Variants in LDB2 observed in about 807,000 individuals in gnomAD.
The protein encoded by LDB2 is LIM domain-binding protein 2.
Under a neutral mutation model 44.3 loss-of-function variants are expected in LDB2, and 12 were observed. That is an observed-to-expected ratio of 0.27 (90% confidence interval 0.17 to 0.44). The LOEUF (loss-of-function observed/expected upper bound fraction) is 0.44, where lower values mean the gene tolerates loss of function less well. LDB2 is among the 20% of genes least tolerant of loss of function. LDB2 has a pLI of 1.00. For synonymous variants in LDB2, 164 were observed against 174.8 expected (o/e 0.94, Z 0.49); for missense variants, 344 against 473.5 (o/e 0.73, Z 2.54).
At chr4:16,731,847 C>G (rs17429735) in intron 2 of LDB2, among the ~76,000 whole-genome samples, 2,800 of 152,170 alleles carry the variant, frequency 0.018, 34 homozygotes, top group Non-Finnish European at 0.027. Flanking sequence ...TCATCTAGGT[C>G]TATGTGCTTC....
rs536404686 is a variant in LDB2, at chr4:16,857,624, T to C, written c.132+40730A>G. Among the ~76,000 whole-genome samples, 13 of 152,254 alleles carry C rather than the reference T, an allele frequency of 8.5e-5. No homozygotes were observed. The East Asian group carries it at 2.1e-3, about 25-fold the overall frequency. ...CGAGCACAAAGAGGTCTTTGCCATTTCCCATGACACGCTGAGACCCTCCTG... is the reference window on the plus strand; with the variant it reads ...CGAGCACAAAGAGGTCTTTGCCATTCCCCATGACACGCTGAGACCCTCCTG... On this transcript the variant is annotated intron_variant, in intron 1 of 7. Transcript: ENST00000304523.
intron 5 of LDB2, among the ~76,000 whole-genome samples, chr4:16,557,796 G>C (rs987765842): frequency 2.0e-5 from 3 of 152,172 alleles, no homozygotes; most frequent in African/African-American, 7.2e-5. Context: ...CCCCTGAGCA[G>C]CCTAACTGGG....
At position 16,830,335 on chromosome 4, in the gene LDB2, C is replaced by T. The variant is rs145872913; in HGVS notation, c.132+68019G>A. On this transcript the variant is annotated intron_variant, in intron 1 of 7. Transcript: ENST00000304523. Reference sequence around the variant, plus strand: ...ATGGTTTTTGTAAAGGGCTCTTCCCCCTTCACTCACCCACACCCTCTCCTT... The same window carrying T: ...ATGGTTTTTGTAAAGGGCTCTTCCCTCTTCACTCACCCACACCCTCTCCTT... 2.1e-3 allele frequency among the ~76,000 whole-genome samples: 315 copies of T among 152,168 alleles called. 5 individuals carry two copies. In the East Asian group the frequency reaches 0.036, roughly 18 times the overall value.
At chr4:16,653,991 G>A (rs188409506) in intron 2 of LDB2, among the ~76,000 whole-genome samples, 4 of 152,310 alleles carry the variant, frequency 2.6e-5, no homozygotes, top group Admixed American at 2.6e-4. Flanking sequence ...CGGACAAGCT[G>A]TGGAACTTGG....
intron 1 of LDB2, among the ~76,000 whole-genome samples, chr4:16,841,576 A>G (rs912276757): frequency 6.6e-6 from 1 of 152,218 alleles, no homozygotes; most frequent in Non-Finnish European, 1.5e-5. Context: ...GGCAACCAAC[A>G]CATAGAAAAA....
At chr4:16,573,339 A>T (rs1747247875) in intron 5 of LDB2, among the ~76,000 whole-genome samples, 1 of 152,142 alleles carries the variant, frequency 6.6e-6, no homozygotes, top group Non-Finnish European at 1.5e-5. Flanking sequence ...ACTGCCTGTG[A>T]CACGTGCTCC....
intron 1 of LDB2, among the ~76,000 whole-genome samples, chr4:16,847,629 G>GTTTGTTTT (rs1787310185): frequency 6.6e-6 from 1 of 152,020 alleles, no homozygotes; most frequent in African/African-American, 2.4e-5. Flanking sequence ...TTGTTTGTTT[G>GTTTGTTTT]TTTTTTGAGA....
intron 2 of LDB2, among the ~76,000 whole-genome samples, chr4:16,662,364 T>C (rs1741828496): frequency 6.6e-6 from 1 of 152,172 alleles, no homozygotes; most frequent in African/African-American, 2.4e-5. Flanking sequence ...AGCTAAAAAA[T>C]AAATATTGGA....
intron 1 of LDB2, among the ~76,000 whole-genome samples, chr4:16,772,302 A>T (rs981129064): frequency 2.6e-5 from 4 of 152,230 alleles, no homozygotes; most frequent in Non-Finnish European, 5.9e-5. Flanking sequence ...TTCATTGGGA[A>T]TATAAGATCC....
chr4:16,568,574 T>G (rs930372480), intron 5 of LDB2, among the ~76,000 whole-genome samples: 7 of 152,124 alleles, frequency 4.6e-5, no homozygotes, highest in African/African-American at 1.7e-4. Context: ...TGTTCTTAAT[T>G]GCAAGCCAGA....
At chr4:16,655,149 A>G (rs1739416084) in intron 2 of LDB2, among the ~76,000 whole-genome samples, 1 of 152,194 alleles carries the variant, frequency 6.6e-6, no homozygotes. Context: ...TATTTTAATT[A>G]AAAGGGGCCA....
At chr4:16,897,982 G>GTA (rs1300423046) in intron 1 of LDB2, among the ~76,000 whole-genome samples, 28 of 66,220 alleles carry the variant, frequency 4.2e-4, no homozygotes, top group South Asian at 1.0e-3. Flanking sequence ...ATACACATAT[G>GTA]TATATATATA....
chr4:16,784,088 A>AT (rs1271117387), intron 1 of LDB2, among the ~76,000 whole-genome samples: 1 of 152,184 alleles, frequency 6.6e-6, no homozygotes, highest in East Asian at 1.9e-4. Flanking sequence ...TTTTTGTGTG[A>AT]TTTTAAAAAG....
At chr4:16,574,731 G>A (rs898663119) in intron 5 of LDB2, among the ~76,000 whole-genome samples, 4 of 152,178 alleles carry the variant, frequency 2.6e-5, no homozygotes, top group African/African-American at 9.7e-5. Flanking sequence ...GAAAGTACAG[G>A]AGGAGACTGG....
chr4:16,714,812 T>C (rs986373736), intron 2 of LDB2, among the ~76,000 whole-genome samples: 1 of 152,022 alleles, frequency 6.6e-6, no homozygotes, highest in African/African-American at 2.4e-5. Context: ...CTAATCCCTG[T>C]CTCTGTCTTC....
intron 2 of LDB2, among the ~76,000 whole-genome samples, chr4:16,756,576 A>G (rs148686522): frequency 6.6e-6 from 1 of 152,322 alleles, no homozygotes; most frequent in Non-Finnish European, 1.5e-5. Flanking sequence ...AGCTTTGCCA[A>G]CATTTTACTT....
intron 7 of LDB2, among the ~76,000 whole-genome samples, chr4:16,507,385 C>T (rs1719912980): frequency 6.6e-6 from 1 of 151,980 alleles, no homozygotes; most frequent in Non-Finnish European, 1.5e-5. Flanking sequence ...GAGAACTGAC[C>T]AGTGGAAAGT....
chr4:16,767,975 C>T (rs543582384), intron 1 of LDB2, among the ~76,000 whole-genome samples: 4 of 152,148 alleles, frequency 2.6e-5, no homozygotes, highest in Non-Finnish European at 5.9e-5. Context: ...CTGTTCCCAA[C>T]CCTATCCCTC....
chr4:16,636,052 C>T (rs1206227028), intron 2 of LDB2, among the ~76,000 whole-genome samples: 1 of 152,160 alleles, frequency 6.6e-6, no homozygotes, highest in Non-Finnish European at 1.5e-5. Flanking sequence ...AGAACATTTG[C>T]AGAGTTAAGG....
Sources: allele counts gnomAD v4.1 joint callset (sites outside exome capture counted in the v4.1 genomes callset), GRCh38; gene constraint gnomAD v4.1.1; transcripts MANE v1.5; gene names NCBI Gene and HGNC (gene_info 2026-07-23, HGNC 2026-07-21).